Variants in TMEM131L observed in about 807,000 individuals in gnomAD.
The protein encoded by TMEM131L is transmembrane protein 131-like.
In TMEM131L, 54 loss-of-function variants were observed where a neutral mutation model predicts 192.2. That is an observed-to-expected ratio of 0.28 (90% CI 0.23 to 0.35). The LOEUF (loss-of-function observed/expected upper bound fraction) is 0.35, where lower values mean the gene tolerates loss of function less well. TMEM131L is among the 10% of genes least tolerant of loss of function. The pLI is 1.00. For missense variants in TMEM131L, 1,888 were observed against 1,972.9 expected (o/e 0.96, Z 0.82); for synonymous variants, 701 against 704.9 (o/e 0.99, Z 0.09).
At chr4:153,533,334 A>C (rs1408494887) in intron 3 of TMEM131L, among the ~76,000 whole-genome samples, 1 of 152,126 alleles carries the variant, frequency 6.6e-6, no homozygotes, top group African/African-American at 2.4e-5. Context: ...CCCCATTATA[A>C]GTAGGGGGAC....
intron 7 of TMEM131L, among the ~76,000 whole-genome samples, chr4:153,560,626 C>G (rs1728786293): frequency 6.6e-6 from 1 of 152,164 alleles, no homozygotes; most frequent in South Asian, 2.1e-4. Flanking sequence ...TACTTTCTGT[C>G]TCTAAAGATT....
At chr4:153,549,517 T>G (rs1737448399) in intron 3 of TMEM131L, among the ~76,000 whole-genome samples, 1 of 152,254 alleles carries the variant, frequency 6.6e-6, no homozygotes, top group South Asian at 2.1e-4. Context: ...GTTTTTCTGC[T>G]ATATTGATTT....
intron 15 of TMEM131L, among the ~76,000 whole-genome samples, chr4:153,588,380 T>TA (rs1368855752): frequency 6.7e-6 from 1 of 148,564 alleles, no homozygotes; most frequent in Non-Finnish European, 1.5e-5. Flanking sequence ...TCCTTCCTGA[T>TA]ACCCTCCTTA....
intron 19 of TMEM131L, among the ~76,000 whole-genome samples, chr4:153,595,775 T>C (rs890981755): frequency 1.3e-5 from 2 of 149,874 alleles, no homozygotes; most frequent in Non-Finnish European, 3.0e-5. Context: ...TAAATAAAGA[T>C]CTTTCTTCTG....
intron 3 of TMEM131L, among the ~76,000 whole-genome samples, chr4:153,515,399 C>G (rs1734661669): frequency 6.6e-6 from 1 of 152,138 alleles, no homozygotes; most frequent in Admixed American, 6.5e-5. Flanking sequence ...TCGGGGTTTA[C>G]CACATGGCAT....
At chr4:153,476,445 C>A (rs1245844193) in intron 3 of TMEM131L, among the ~76,000 whole-genome samples, 1 of 152,116 alleles carries the variant, frequency 6.6e-6, no homozygotes. Context: ...CGCCTGTAAT[C>A]ACAGCACTTT....
chr4:153,485,965 CAG>C (rs1412659436), intron 3 of TMEM131L, among the ~76,000 whole-genome samples: 4 of 152,148 alleles, frequency 2.6e-5, no homozygotes, highest in African/African-American at 9.7e-5. Context: ...TATGAAGTGA[CAG>C]AACATGTGCG....
intron 20 of TMEM131L, among the ~76,000 whole-genome samples, chr4:153,597,155 T>TA: frequency 6.6e-6 from 1 of 152,196 alleles, no homozygotes; most frequent in Admixed American, 6.5e-5. Context: ...TGAATGATAC[T>TA]AAAAAAAGTT....
rs529662425 is a variant in TMEM131L at position 153,629,341 on chromosome 4, T to C, written c.4207+1654T>C. On this transcript the variant is annotated intron_variant, in intron 31 of 34. Coordinates refer to ENST00000409959, the MANE Select transcript of TMEM131L (RefSeq NM_001131007.2). ...ACCAGCCCACCATGTCATGCCATTC[T>C]CTGCCTCTCTCCTGTTGTAGCCTGA... Among the ~76,000 whole-genome samples, 53 of 152,346 alleles carry C rather than the reference T, an allele frequency of 3.5e-4. 1 individual carries two copies. In the South Asian group the frequency reaches 7.7e-3, roughly 22 times the overall value.
rs1211960183 is a variant in TMEM131L at position 153,591,080 on chromosome 4, T to G, written c.1698T>G (p.Phe566Leu). ...GGAATGTTTTGGGAACAACTCGATT[T>G]GCTCACTTGAAGAAATCCAAGGAGT... ...CKRNVLGTTR[F>L]AHLKKSKESE... is the part of the protein sequence containing the mutation. The change falls in exon 17 of 35, where the codon TTT (phenylalanine) becomes TTG (leucine). Residue 566 changes from phenylalanine to leucine, a missense_variant. By Grantham distance (22) the Phe-to-Leu change is conservative (BLOSUM62 0). Transcript: ENST00000409959. The G allele has an allele frequency of 6.3e-7, 1 of 1,597,742 alleles. No homozygotes were observed. The highest frequency in any genetic ancestry group is 8.5e-7 in the Non-Finnish European group (1 of 1,170,430).
At chr4:153,506,123 C>G (rs912778247) in intron 3 of TMEM131L, among the ~76,000 whole-genome samples, 1 of 152,134 alleles carries the variant, frequency 6.6e-6, no homozygotes, top group East Asian at 1.9e-4. Flanking sequence ...CAAGAAAAGG[C>G]TCTAAAACAA....
Position 153,624,071 on chromosome 4 carries a change from G to C in TMEM131L, c.4045+988G>C, listed in dbSNP as rs535384530. Among the ~76,000 whole-genome samples, 4 of 149,432 alleles carry C rather than the reference G, an allele frequency of 2.7e-5. No individual in the cohort carries two copies. In the South Asian group the frequency reaches 8.6e-4, roughly 32 times the overall value. ...CTTACATAAATGAAATCATACTTCA[G>C]TGTAGCCTTCTGCATCTTGCTCTTT... On this transcript the variant is annotated intron_variant, in intron 29 of 34. Coordinates refer to ENST00000409959, the MANE Select transcript of TMEM131L (RefSeq NM_001131007.2).
chr4:153,606,388 C>A (rs1732241075), intron 25 of TMEM131L, among the ~76,000 whole-genome samples: 1 of 152,148 alleles, frequency 6.6e-6, no homozygotes, highest in South Asian at 2.1e-4. Flanking sequence ...AGATGCAATG[C>A]CCGTGGCAGT....
chr4:153,632,518 A>G (rs577722984), intron 31 of TMEM131L, 200 bp from the exon 32 acceptor site: 10 of 576,120 alleles, frequency 1.7e-5, no homozygotes, highest in East Asian at 3.1e-5. Context: ...TCAAGAGACA[A>G]TCGGACACTG....
chr4:153,505,852 T>A (rs1395342075), intron 3 of TMEM131L, among the ~76,000 whole-genome samples: 1 of 152,064 alleles, frequency 6.6e-6, no homozygotes, highest in Non-Finnish European at 1.5e-5. Flanking sequence ...ACTGGAGACA[T>A]CAAGTTGGAA....
intron 3 of TMEM131L, among the ~76,000 whole-genome samples, chr4:153,474,475 T>C (rs1336665105): frequency 6.6e-6 from 1 of 152,176 alleles, no homozygotes; most frequent in East Asian, 1.9e-4. Flanking sequence ...ATCCAGGAAC[T>C]TGGAGAAGGC....
chr4:153,509,016 A>T (rs1734173685), intron 3 of TMEM131L, among the ~76,000 whole-genome samples: 1 of 152,144 alleles, frequency 6.6e-6, no homozygotes, highest in African/African-American at 2.4e-5. Context: ...ATAGAACTAT[A>T]TAACCTATGA....
In TMEM131L at chr4:153,466,517, A is replaced by G; in HGVS notation, c.120A>G (p.Gly40=). ...LPCCRPGGAQ[G]QAIEPLPNVV... is the part of the protein sequence containing the mutation. ...GCTGTCGCCCGGGAGGGGCTCAGGG[A>G]CAAGGTCAGCCTTGCGCCGCTGGGC... Residue 40 remains glycine, a synonymous_variant, in exon 1 of 35, where the codon GGA becomes GGG. Transcript: ENST00000409959. 2 of 1,385,464 alleles carry G rather than the reference A, an allele frequency of 1.4e-6. No homozygotes were observed. Among genetic ancestry groups the G allele is most frequent in the Non-Finnish European group, 1.9e-6 (2 of 1,060,994 alleles). 85.8% of individuals were successfully genotyped at this position (1,385,464 alleles called of 1,614,324 possible). A position where few individuals can be genotyped will look rare whatever the true frequency, so the allele number is the denominator to read the frequency against.
At chr4:153,492,895 T>C (rs1302167984) in intron 3 of TMEM131L, among the ~76,000 whole-genome samples, 3 of 151,972 alleles carry the variant, frequency 2.0e-5, no homozygotes, top group Non-Finnish European at 4.4e-5. Context: ...CAGGCTGAGC[T>C]CAGGAGGAGA....
Sources: allele counts gnomAD v4.1 joint callset (sites outside exome capture counted in the v4.1 genomes callset), GRCh38; gene constraint gnomAD v4.1.1; transcripts MANE v1.5; gene names NCBI Gene and HGNC (gene_info 2026-07-23, HGNC 2026-07-21).